Variants in B3GALT1 observed in about 807,000 individuals in gnomAD.
The protein encoded by B3GALT1 is beta-1,3-galactosyltransferase 1, also known as UDP-Gal:betaGlcNAc beta 1,3-galactosyltransferase, polypeptide 1.
Under a neutral mutation model 23.2 loss-of-function variants are expected in B3GALT1, and 10 were observed. The ratio of observed to expected loss-of-function variants is 0.43; its 90% CI spans 0.27 to 0.73. B3GALT1 has a LOEUF of 0.73. B3GALT1 is among the 30% of genes least tolerant of loss of function. B3GALT1 has a pLI of 0.21. For synonymous variants in B3GALT1, 156 were observed against 141.5 expected (o/e 1.10, Z -0.73); for missense variants, 299 against 405.4 (o/e 0.74, Z 2.25).
chr2:167,532,854 CTTTTTTTTTTTT>C (rs1173819982), intron 2 of B3GALT1, among the ~76,000 whole-genome samples: 1 of 96,460 alleles, frequency 1.0e-5, no homozygotes, highest in East Asian at 3.1e-4. Context: ...TTTACTGCAT[CTTTTTTTTTTTT>C]TTTTTTTTTT....
Position 167,869,642 on chromosome 2 carries a change from G to C in B3GALT1, c.603G>C (p.Arg201Ser). Residue 201 changes from arginine (R) to serine (S), a missense_variant, in exon 5 of 5, where the codon AGG becomes AGC. Transcript: ENST00000392690. This position sits in a 1 kb window ranked among gnomAD's most constrained non-coding sequence, Gnocchi z 6.4. The part of the protein sequence containing the change: ...LLKPSTKPRR[R>S]YFTGYVINGG... ...AACCCTCCACCAAGCCACGAAGAAG[G>C]TATTTTACTGGCTATGTCATTAATG... 6.2e-7 allele frequency: 1 copy of C among 1,614,128 alleles called. No homozygotes were observed. The highest frequency in any genetic ancestry group is 8.5e-7 in the Non-Finnish European group (1 of 1,180,030).
At chr2:167,774,480 T>TG (rs201227874) in intron 3 of B3GALT1, among the ~76,000 whole-genome samples, 18,046 of 121,474 alleles carry the variant, frequency 0.15, 1,530 homozygotes, top group East Asian at 0.4. Flanking sequence ...TGGTTTTTTT[T>TG]TTTTGTTTTT....
intron 3 of B3GALT1, among the ~76,000 whole-genome samples, chr2:167,688,124 G>A (rs553400101): frequency 8.5e-5 from 13 of 152,128 alleles, no homozygotes; most frequent in African/African-American, 3.1e-4. Flanking sequence ...ATCTGGCTTT[G>A]ATATCAGATA....
Position 167,807,698 on chromosome 2 carries a change from G to A in B3GALT1, c.-351-10974G>A, listed in dbSNP as rs554544738. On this transcript the variant is annotated intron_variant, in intron 3 of 4. Transcript: ENST00000392690. ...TGAAACACAGTTTGTTATAATTTCTGTTCTTTTACATTTGCTGAGGAGTGC... is the reference window on the plus strand; with the variant it reads ...TGAAACACAGTTTGTTATAATTTCTATTCTTTTACATTTGCTGAGGAGTGC... Among the ~76,000 whole-genome samples, 6 of 152,230 alleles carry A rather than the reference G, an allele frequency of 3.9e-5. No homozygotes were observed. In the East Asian group the frequency reaches 1.2e-3, roughly 29 times the overall value.
rs1698551064 is a variant in B3GALT1 at position 167,421,890 on chromosome 2, A to T, written c.-510-68287A>T. 1.3e-5 allele frequency among the ~76,000 whole-genome samples: 2 copies of T among 152,244 alleles called. 1 individual carries two copies. The highest frequency in any genetic ancestry group is 4.1e-4 in the South Asian group (2 of 4,834). ...AAGAAAGAAGTAGTAGTAAAGAAGT[A>T]GTAAGTAAGCACTAGAATTTAACCT... On this transcript the variant is annotated intron_variant, in intron 1 of 4. Coordinates refer to ENST00000392690, the MANE Select transcript of B3GALT1 (RefSeq NM_020981.4).
At chr2:167,781,802 C>T (rs970260513) in intron 3 of B3GALT1, among the ~76,000 whole-genome samples, 12 of 152,008 alleles carry the variant, frequency 7.9e-5, no homozygotes, top group African/African-American at 2.9e-4. Flanking sequence ...AATGCAGTGG[C>T]GCAATCTCAG....
intron 3 of B3GALT1, among the ~76,000 whole-genome samples, chr2:167,704,069 T>G (rs1686930553): frequency 6.6e-6 from 1 of 150,932 alleles, no homozygotes; most frequent in African/African-American, 2.4e-5. Context: ...TAGTCCCAGC[T>G]ACTCGGGAGG....
At chr2:167,447,673 A>C (rs981061083) in intron 1 of B3GALT1, among the ~76,000 whole-genome samples, 1 of 152,118 alleles carries the variant, frequency 6.6e-6, no homozygotes, top group Non-Finnish European at 1.5e-5. Flanking sequence ...GGCATGGGAT[A>C]TAATCTCCTG....
At chr2:167,867,221 C>T (rs573778943) in intron 4 of B3GALT1, among the ~76,000 whole-genome samples, 4 of 152,270 alleles carry the variant, frequency 2.6e-5, no homozygotes, top group Non-Finnish European at 4.4e-5. Flanking sequence ...CCACCGCGCC[C>T]GGCCGAGAAG....
chr2:167,492,590 A>G (rs1478812896), intron 2 of B3GALT1, among the ~76,000 whole-genome samples: 1 of 152,142 alleles, frequency 6.6e-6, no homozygotes, highest in African/African-American at 2.4e-5. Flanking sequence ...TTGCATTCCC[A>G]CCAGCACTGA....
rs966263210 is a variant in B3GALT1 at position 167,872,421 on chromosome 2, A to G, written c.*2401A>G. On this transcript the variant is annotated 3_prime_UTR_variant, in exon 5 of 5. Transcript: ENST00000392690. ...TGCTGGTTTTGATTAGACAATAGCA[A>G]TTAGGTAACCTGGGGAGAGATGGAT... The G allele has an allele frequency of 1.3e-5, 2 of 152,188 alleles. No individual in the cohort carries two copies. Among genetic ancestry groups the G allele is most frequent in the South Asian group, 2.1e-4 (1 of 4,830 alleles). The allele number at this position is 152,188 out of a possible 1,614,324, so 9.4% of individuals were successfully genotyped here.
At chr2:167,332,371 A>G (rs1360098421) in intron 1 of B3GALT1, among the ~76,000 whole-genome samples, 5 of 152,252 alleles carry the variant, frequency 3.3e-5, no homozygotes, top group African/African-American at 7.2e-5. Context: ...GAAGCAATAT[A>G]TGAAAATGTA....
At chr2:167,858,344 T>TAA (rs77883366) in intron 4 of B3GALT1, among the ~76,000 whole-genome samples, 66 of 68,974 alleles carry the variant, frequency 9.6e-4, no homozygotes, top group Middle Eastern at 9.1e-3. Context: ...AAGAGCGAAG[T>TAA]AAAAAAAAAA....
chr2:167,667,283 C>G (rs1165272472), intron 3 of B3GALT1, among the ~76,000 whole-genome samples: 2 of 152,214 alleles, frequency 1.3e-5, no homozygotes, highest in South Asian at 2.1e-4. Context: ...TTGGCCCCCA[C>G]TCTCTTCTGG....
intron 2 of B3GALT1, among the ~76,000 whole-genome samples, chr2:167,508,375 C>T (rs1213219324): frequency 4.0e-5 from 6 of 151,378 alleles, no homozygotes; most frequent in Non-Finnish European, 7.4e-5. Flanking sequence ...TTTCCTGCCT[C>T]AGCTTCCCAA....
At chr2:167,538,191 G>A (rs946011484) in intron 2 of B3GALT1, among the ~76,000 whole-genome samples, 8 of 152,006 alleles carry the variant, frequency 5.3e-5, no homozygotes, top group Admixed American at 1.3e-4. Flanking sequence ...TCTGATTCAC[G>A]TCATATTAAC....
intron 3 of B3GALT1, among the ~76,000 whole-genome samples, chr2:167,675,869 A>G (rs1348152472): frequency 1.3e-5 from 2 of 151,354 alleles, no homozygotes; most frequent in Non-Finnish European, 2.9e-5. Context: ...AATATTCTGT[A>G]TATTACAGGG....
chr2:167,422,226 C>G (rs1043534654), intron 1 of B3GALT1, among the ~76,000 whole-genome samples: 1 of 151,934 alleles, frequency 6.6e-6, no homozygotes, highest in African/African-American at 2.4e-5. Context: ...CTCCCCCGCC[C>G]GCCCTTCCCG....
intron 3 of B3GALT1, among the ~76,000 whole-genome samples, chr2:167,744,387 G>A (rs917472550): frequency 1.3e-5 from 2 of 151,992 alleles, no homozygotes; most frequent in African/African-American, 4.8e-5. Flanking sequence ...TATTTTATTA[G>A]ATTAATGTAA....
Sources: gnomAD v4.1 joint callset for allele counts (sites outside exome capture counted in the v4.1 genomes callset) on GRCh38, gnomAD v4.1.1 for gene constraint, Gnocchi (gnomAD v3.1) non-coding constraint, MANE v1.5 for transcripts, NCBI Gene and HGNC (gene_info 2026-07-23, HGNC 2026-07-21) for gene names.